The following TGM2 variants were observed in gnomAD, a reference collection of about 807,000 sequenced individuals.
TGM2 encodes protein-glutamine gamma-glutamyltransferase 2.
Under a neutral mutation model 75.6 loss-of-function variants are expected in TGM2, and 53 were observed. That is an observed-to-expected ratio of 0.70 (90% confidence interval 0.56 to 0.88). TGM2 has a LOEUF of 0.88. Among genes scored for constraint, TGM2 ranks in the 40% least tolerant of loss-of-function variants. The pLI is 0.00. For missense variants in TGM2, 842 were observed against 928.5 expected (o/e 0.91, Z 1.21); for synonymous variants, 374 against 381.1 (o/e 0.98, Z 0.22).
At chr20:38,140,023 T>C (rs1432250605) in intron 8 of TGM2, among the ~76,000 whole-genome samples, 1 of 152,210 alleles carries the variant, frequency 6.6e-6, no homozygotes, top group Non-Finnish European at 1.5e-5. Context: ...ATAAATAAAA[T>C]GGAAATGTAT....
intron 6 of TGM2, among the ~76,000 whole-genome samples, chr20:38,143,292 C>A (rs1279340196): frequency 6.6e-6 from 1 of 152,220 alleles, no homozygotes; most frequent in African/African-American, 2.4e-5. Flanking sequence ...GACCTGGGAC[C>A]AGTCCCTTCA....
chr20:38,154,078 A>C (rs1309998026), intron 3 of TGM2, among the ~76,000 whole-genome samples: 2 of 152,092 alleles, frequency 1.3e-5, no homozygotes, highest in African/African-American at 4.8e-5. Context: ...TCAGCCTCTC[A>C]AAGTGCCGGG....
intron 3 of TGM2, among the ~76,000 whole-genome samples, chr20:38,154,804 A>G (rs1298992812): frequency 1.3e-5 from 2 of 149,300 alleles, no homozygotes; most frequent in East Asian, 4.1e-4. Flanking sequence ...GGTGAGATTT[A>G]AAACAGGGCC....
At chr20:38,165,692 A>ACACACACACGCACACACT (rs2075304406), upstream of TGM2, among the ~76,000 whole-genome samples, 2 of 151,548 alleles carry the variant, frequency 1.3e-5, no homozygotes, top group African/African-American at 4.8e-5. Flanking sequence ...ACACACACAC[A>ACACACACACGCACACACT]CACACACACG....
upstream of TGM2, among the ~76,000 whole-genome samples, chr20:38,168,336 T>G (rs2075325598): frequency 6.6e-6 from 1 of 152,160 alleles, no homozygotes; most frequent in Non-Finnish European, 1.5e-5. Context: ...GTTTTCCCAT[T>G]TGTTCAAAGG....
chr20:38,130,715 G>T (rs1324631468), intron 12 of TGM2, among the ~76,000 whole-genome samples: 1 of 152,192 alleles, frequency 6.6e-6, no homozygotes, highest in East Asian at 1.9e-4. Context: ...AAAGAAGTGT[G>T]TGCTCGTATG....
At chr20:38,155,624 A>G (rs2075174754) in intron 3 of TGM2, among the ~76,000 whole-genome samples, 1 of 152,160 alleles carries the variant, frequency 6.6e-6, no homozygotes, top group South Asian at 2.1e-4. Flanking sequence ...CCGAGATTAC[A>G]GGCATGGATC....
At chr20:38,163,608 C>T (rs2075279181) in intron 1 of TGM2, among the ~76,000 whole-genome samples, 1 of 152,062 alleles carries the variant, frequency 6.6e-6, no homozygotes, top group Admixed American at 6.6e-5. Context: ...GTTTTTTCTC[C>T]AGCCCCTCTT....
At chr20:38,166,553 G>C (rs1273759455), upstream of TGM2, 1 of 152,258 alleles carries the variant, frequency 6.6e-6, no homozygotes, top group Admixed American at 6.5e-5. Flanking sequence ...AGGCCCACGG[G>C]GCTTCCCTGG....
At chr20:38,136,601 A>G (rs1381929030) in intron 10 of TGM2, among the ~76,000 whole-genome samples, 1 of 152,168 alleles carries the variant, frequency 6.6e-6, no homozygotes, top group African/African-American at 2.4e-5. Flanking sequence ...ACACAGCGAG[A>G]TGCTGCCCAA....
At position 38,130,235 on chromosome 20, in the gene TGM2, A is replaced by T. The variant is rs758464853; in HGVS notation, c.2048T>A (p.Ile683Asn). The change falls in exon 13 of 13, where the codon ATC (isoleucine) becomes AAC (asparagine). Residue 683 changes from isoleucine (I) to asparagine (N), a missense_variant. Physicochemically the swap from Ile to Asn is moderately radical, Grantham distance 149. Coordinates refer to ENST00000361475, the MANE Select transcript of TGM2 (RefSeq NM_004613.4). The stretch of plus-strand genomic sequence containing the variant: ...AGGGGTCCCTTAGGCGGGGCCAATG[A>T]TGACATTCCGGAAGCCCTTCACAGC... ...LKAVKGFRNV[I>N]IGPA 4.3e-6 allele frequency: 7 copies of T among 1,613,444 alleles called. No homozygotes were observed. The highest frequency in any genetic ancestry group is 3.3e-5 in the Admixed American group (2 of 59,994).
At chr20:38,155,492 C>G (rs1011251600) in intron 3 of TGM2, among the ~76,000 whole-genome samples, 4 of 152,162 alleles carry the variant, frequency 2.6e-5, no homozygotes, top group Middle Eastern at 3.2e-3. Flanking sequence ...CAGGCGTGCA[C>G]TACCACACCC....
chr20:38,138,524 C>A, intron 9 of TGM2, 139 bp from the exon 10 acceptor site: 1 of 1,487,352 alleles, frequency 6.7e-7, no homozygotes, highest in Non-Finnish European at 9.2e-7. Flanking sequence ...ATTTCTGGGC[C>A]AGAAGGACAC....
Position 38,165,215 on chromosome 20 carries a change from TG to T in TGM2, c.-18del, listed in dbSNP as rs2075299017. On this transcript the variant is annotated 5_prime_UTR_variant, in exon 1 of 13. Transcript: ENST00000361475. ...CTCGGCCATGGTCGGGCGGGGGCGG[TG>T]GCTCCTTCCACTGGCGGCGAGACCC... 1 of 1,612,858 alleles carries T rather than the reference TG, an allele frequency of 6.2e-7. No individual in the cohort carries two copies. The highest frequency in any genetic ancestry group is 1.3e-5 in the African/African-American group (1 of 74,934).
intron 2 of TGM2, 65 bp from the exon 3 acceptor site, chr20:38,156,154 G>C: frequency 2.5e-6 from 4 of 1,570,406 alleles, no homozygotes; most frequent in Non-Finnish European, 3.5e-6. Flanking sequence ...GGGCACCTAC[G>C]TGGGGTCCCC....
intron 10 of TGM2, among the ~76,000 whole-genome samples, chr20:38,135,638 T>G (rs1457054256): frequency 6.6e-6 from 1 of 151,992 alleles, no homozygotes; most frequent in Non-Finnish European, 1.5e-5. Flanking sequence ...GGATCCTGTC[T>G]CGGACTCTCG....
At chr20:38,157,005 G>C (rs1010314409) in intron 2 of TGM2, among the ~76,000 whole-genome samples, 1 of 152,196 alleles carries the variant, frequency 6.6e-6, no homozygotes, top group Non-Finnish European at 1.5e-5. Flanking sequence ...GGGAGGGCCC[G>C]CCCCCACAGG....
At chr20:38,142,022 C>G (rs2074980874) in intron 7 of TGM2, 42 bp downstream of exon 7, 1 of 1,613,226 alleles carries the variant, frequency 6.2e-7, no homozygotes, top group Non-Finnish European at 8.5e-7. Context: ...TCCATGGGGC[C>G]CTCCCTACTG....
At chr20:38,165,702 G>GCA (rs1460850219), upstream of TGM2, among the ~76,000 whole-genome samples, 16 of 107,312 alleles carry the variant, frequency 1.5e-4, no homozygotes, top group East Asian at 1.2e-3. Context: ...ACACACACAC[G>GCA]CACACACTCA....
Sources: allele counts gnomAD v4.1 joint callset (sites outside exome capture counted in the v4.1 genomes callset), GRCh38; gene constraint gnomAD v4.1.1; transcripts MANE v1.5; gene names NCBI Gene and HGNC (gene_info 2026-07-23, HGNC 2026-07-21).